The following CHURC1 variants were observed in gnomAD, a reference collection of about 807,000 sequenced individuals.
CHURC1 encodes protein Churchill.
CHURC1 carries 12 observed loss-of-function variants against 15.4 expected under a neutral mutation model. The observed-to-expected ratio is 0.78, with a 90% confidence interval of 0.50 to 1.27. The LOEUF is 1.27. CHURC1 is among the 50% of genes most tolerant of loss of function. The pLI is 0.00. For missense variants in CHURC1, 132 were observed against 137.8 expected, an observed-to-expected ratio of 0.96 and a Z score of 0.21; for synonymous variants, 42 against 47.5, an observed-to-expected ratio of 0.88 and a Z score of 0.48.
intron 1 of CHURC1, among the ~76,000 whole-genome samples, chr14:64,920,775 GT>G (rs1255669981): frequency 6.6e-6 from 1 of 152,146 alleles, no homozygotes; most frequent in Non-Finnish European, 1.5e-5. Flanking sequence ...TTTAAAAACT[GT>G]TTTGTTTTCC....
At chr14:64,928,989 C>T (rs1884919041) in intron 3 of CHURC1, among the ~76,000 whole-genome samples, 2 of 152,084 alleles carry the variant, frequency 1.3e-5, no homozygotes, top group South Asian at 2.1e-4. Context: ...TTCGTGCCTA[C>T]ACCCCTCATC....
Position 64,932,540 on chromosome 14 carries a change from C to G in CHURC1, c.*310C>G. ...AGATTTTGGTTTCCAATAAAAGGAACCAGGACTCCTTAGAAAATGAACTGA... is the reference window on the plus strand; with the variant it reads ...AGATTTTGGTTTCCAATAAAAGGAAGCAGGACTCCTTAGAAAATGAACTGA... On this transcript the variant is annotated 3_prime_UTR_variant, in exon 4 of 4. Transcript: ENST00000549115. 2 of 912,978 alleles carry G rather than the reference C, an allele frequency of 2.2e-6. No homozygotes were observed. The highest frequency in any genetic ancestry group is 2.7e-6 in the Non-Finnish European group (2 of 741,800). 56.6% of individuals were successfully genotyped at this position (912,978 alleles called of 1,614,324 possible). A position where few individuals can be genotyped will look rare whatever the true frequency, so the allele number is the denominator to read the frequency against.
At chr14:64,916,958 T>G (rs1428329919) in intron 1 of CHURC1, among the ~76,000 whole-genome samples, 2 of 152,206 alleles carry the variant, frequency 1.3e-5, no homozygotes, top group Non-Finnish European at 2.9e-5. Flanking sequence ...TTTTAGGCAT[T>G]GGGCCACCAT....
chr14:64,920,615 C>T (rs935802672), intron 1 of CHURC1, among the ~76,000 whole-genome samples: 1 of 152,220 alleles, frequency 6.6e-6, no homozygotes, highest in African/African-American at 2.4e-5. Context: ...TACATAGATA[C>T]TTCTCTTCCT....
At position 64,934,869 on chromosome 14, in the gene CHURC1, A is replaced by T; in HGVS notation, c.*2639A>T. On this transcript the variant is annotated 3_prime_UTR_variant, in exon 4 of 4. Transcript: ENST00000549115. ...TTTGTTTTGGACTATATGTTACAAA[A>T]ATTTAAAACATAAGATCCTCTCTCT... 1 of 984,592 alleles carries T rather than the reference A, an allele frequency of 1.0e-6. No individual in the cohort carries two copies. The highest frequency in any genetic ancestry group is 1.2e-6 in the Non-Finnish European group (1 of 829,154). The allele number at this position is 984,592 out of a possible 1,614,324, so 61.0% of individuals were successfully genotyped here.
intron 3 of CHURC1, among the ~76,000 whole-genome samples, chr14:64,927,465 C>G (rs1386645133): frequency 6.6e-6 from 1 of 152,152 alleles, no homozygotes; most frequent in African/African-American, 2.4e-5. Context: ...GAGTTATGTA[C>G]AGCTCCTGAA....
Position 64,924,234 on chromosome 14 carries a change from A to T in CHURC1, c.175+108A>T, listed in dbSNP as rs934676688. 3 of 1,286,972 alleles carry T rather than the reference A, an allele frequency of 2.3e-6. No homozygotes were observed. The African/African-American group carries it at 4.5e-5, about 19-fold the overall frequency. 79.7% of individuals were successfully genotyped at this position (1,286,972 alleles called of 1,614,324 possible). ...GGCCTATTTCAATATTGTATTGCGC[A>T]CATAATTACTAGTTAGGTCTTTAAG... On this transcript the variant is annotated intron_variant, in intron 2 of 3. Transcript: ENST00000549115.
At chr14:64,924,403 T>G (rs1884539693) in intron 2 of CHURC1, 1 of 230,218 alleles carries the variant, frequency 4.3e-6, no homozygotes, top group Admixed American at 5.7e-5. Context: ...TTTTAAAAGC[T>G]TTATGCTGCC....
At chr14:64,924,476 T>C (rs1357802962) in intron 2 of CHURC1, 2 of 157,294 alleles carry the variant, frequency 1.3e-5, no homozygotes, top group Non-Finnish European at 2.8e-5. Flanking sequence ...ATGTGAGTTT[T>C]CACTTTTCTG....
chr14:64,917,784 T>A (rs1293475859), intron 1 of CHURC1, among the ~76,000 whole-genome samples: 1 of 152,162 alleles, frequency 6.6e-6, no homozygotes. Flanking sequence ...AGGGGAGACC[T>A]ATACATGATC....
chr14:64,931,559 C>T (rs1885078264), intron 3 of CHURC1, among the ~76,000 whole-genome samples: 1 of 151,898 alleles, frequency 6.6e-6, no homozygotes, highest in African/African-American at 2.4e-5. Context: ...AGGACCTTGC[C>T]CTAAGGGTTT....
At chr14:64,925,174 G>A in intron 2 of CHURC1, among the ~76,000 whole-genome samples, 1 of 152,018 alleles carries the variant, frequency 6.6e-6, no homozygotes, top group East Asian at 1.9e-4. Flanking sequence ...TCTCTAAAAA[G>A]GTGGTGATGA....
intron 3 of CHURC1, 108 bp downstream of exon 3, chr14:64,926,188 G>T: frequency 9.2e-6 from 5 of 541,820 alleles, no homozygotes; most frequent in Admixed American, 3.3e-5. Flanking sequence ...CAAAGCGTTA[G>T]CATATATTAA....
intron 1 of CHURC1, among the ~76,000 whole-genome samples, chr14:64,918,273 T>C (rs964787823): frequency 8.5e-5 from 13 of 152,136 alleles, no homozygotes; most frequent in Non-Finnish European, 1.3e-4. Flanking sequence ...GATTTAGAAA[T>C]AATTAGTGGG....
chr14:64,914,869 A>T (rs966851553), intron 1 of CHURC1, among the ~76,000 whole-genome samples: 2 of 152,126 alleles, frequency 1.3e-5, no homozygotes, highest in African/African-American at 4.8e-5. Context: ...GATGAAGTAC[A>T]ATTTTCTTAC....
chr14:64,927,966 T>C (rs566623358), intron 3 of CHURC1, among the ~76,000 whole-genome samples: 2 of 152,166 alleles, frequency 1.3e-5, no homozygotes, highest in African/African-American at 4.8e-5. Context: ...AGTGCACCTT[T>C]AGCTACAGTA....
At chr14:64,923,867 C>G in intron 1 of CHURC1, 124 bp from the exon 2 acceptor site, 2 of 828,744 alleles carry the variant, frequency 2.4e-6, no homozygotes, top group South Asian at 8.5e-5. Context: ...TGGTATATGA[C>G]CTAGAAGTAA....
At chr14:64,922,319 C>T (rs965381364) in intron 1 of CHURC1, among the ~76,000 whole-genome samples, 3 of 151,980 alleles carry the variant, frequency 2.0e-5, no homozygotes, top group Non-Finnish European at 2.9e-5. Context: ...TGGCTCATTC[C>T]TGTAATCCCA....
intron 2 of CHURC1, among the ~76,000 whole-genome samples, chr14:64,924,932 A>C (rs1884575255): frequency 6.6e-6 from 1 of 152,222 alleles, no homozygotes. Flanking sequence ...GAAAGACAGC[A>C]GGCCTTTAGA....
Sources: allele counts gnomAD v4.1 joint callset (sites outside exome capture counted in the v4.1 genomes callset), GRCh38; gene constraint gnomAD v4.1.1; transcripts MANE v1.5; gene names NCBI Gene and HGNC (gene_info 2026-07-23, HGNC 2026-07-21).